The following GPATCH2 variants were observed in gnomAD, a reference collection of about 807,000 sequenced individuals.
The protein encoded by GPATCH2 is G patch domain-containing protein 2.
A neutral mutation model predicts 58.0 loss-of-function variants in GPATCH2; 51 were observed. The observed-to-expected ratio is 0.88, with a 90% CI of 0.70 to 1.11. The LOEUF is 1.11. Among genes scored for constraint, GPATCH2 ranks in the 50% most tolerant of loss-of-function variants. GPATCH2 has a pLI of 0.00. For synonymous variants in GPATCH2, 222 were observed against 218.5 expected (o/e 1.02, Z -0.14); for missense variants, 625 against 652.2 (o/e 0.96, Z 0.45).
In GPATCH2 at chr1:217,504,863, T is replaced by C. The variant is rs1662474681; in HGVS notation, c.1167-6468A>G. 2.0e-5 allele frequency among the ~76,000 whole-genome samples: 3 copies of C among 152,228 alleles called. No homozygotes were observed. The South Asian group carries it at 6.2e-4, about 32-fold the overall frequency. ...ATAATACATGGAAAATAAAAGTTGC[T>C]TAATAACTTTTTAGTGAAAAATGAG... On this transcript the variant is annotated intron_variant, in intron 6 of 9. Transcript: ENST00000366935.
In GPATCH2 at chr1:217,586,089, G is replaced by A. The variant is rs1368709733; in HGVS notation, c.1098+24232C>T. On this transcript the variant is annotated intron_variant, in intron 5 of 9. Coordinates refer to ENST00000366935, the MANE Select transcript of GPATCH2 (RefSeq NM_018040.5). Reference sequence around the variant, plus strand: ...CTCTGGGTTAGTGAGTGAGGGAGAGGTGAGTGAAAGTGAAGGCCTAGAACA... The same window carrying A: ...CTCTGGGTTAGTGAGTGAGGGAGAGATGAGTGAAAGTGAAGGCCTAGAACA... 2.0e-5 allele frequency among the ~76,000 whole-genome samples: 3 copies of A among 152,290 alleles called. No individual in the cohort carries two copies. The East Asian group carries it at 5.8e-4, about 29-fold the overall frequency.
intron 6 of GPATCH2, among the ~76,000 whole-genome samples, chr1:217,512,226 G>A (rs1662891356): frequency 6.6e-6 from 1 of 152,120 alleles, no homozygotes; most frequent in African/African-American, 2.4e-5. Context: ...TGGAGCTGAG[G>A]CCAGGGGATC....
intron 9 of GPATCH2, among the ~76,000 whole-genome samples, chr1:217,447,195 T>C (rs1184865496): frequency 6.6e-6 from 1 of 152,228 alleles, no homozygotes; most frequent in Non-Finnish European, 1.5e-5. Flanking sequence ...AGAGATATAT[T>C]AGAAATATTT....
In GPATCH2 at chr1:217,558,421, C is replaced by T. The variant is rs569583552; in HGVS notation, c.1099-43532G>A. On this transcript the variant is annotated intron_variant, in intron 5 of 9. Coordinates refer to ENST00000366935, the MANE Select transcript of GPATCH2 (RefSeq NM_018040.5). ...ACAATGGAATCAAACACGGAAGGTA[C>T]AAATTTCATGATCTTTTGTTGTAAT... Among the ~76,000 whole-genome samples, 3 of 152,262 alleles carry T rather than the reference C, an allele frequency of 2.0e-5. No individual in the cohort carries two copies. In the East Asian group the frequency reaches 5.8e-4, roughly 29 times the overall value.
rs1658501399 is a variant in GPATCH2, at chr1:217,430,873, AAAAT to A, written c.*268_*271del. On this transcript the variant is annotated 3_prime_UTR_variant, in exon 10 of 10. Transcript: ENST00000366935. ...TCGGAAAGTATTGACACATGAGACT[AAAAT>A]AAATAAGAGAAACGAGCTGCTCTTT... 2.1e-6 allele frequency: 1 copy of A among 476,728 alleles called. No individual in the cohort carries two copies. The highest frequency in any genetic ancestry group is 3.8e-6 in the Non-Finnish European group (1 of 266,070). The allele number at this position is 476,728 out of a possible 1,614,324, so 29.5% of individuals were successfully genotyped here. A position where few individuals can be genotyped will look rare whatever the true frequency, so the allele number is the denominator to read the frequency against.
chr1:217,569,192 C>G (rs1481475078), intron 5 of GPATCH2, among the ~76,000 whole-genome samples: 1 of 151,082 alleles, frequency 6.6e-6, no homozygotes, highest in Non-Finnish European at 1.5e-5. Context: ...TGGGAGTAGA[C>G]AGATATTTGG....
intron 5 of GPATCH2, among the ~76,000 whole-genome samples, chr1:217,597,897 C>T (rs1335083066): frequency 6.6e-6 from 1 of 152,152 alleles, no homozygotes; most frequent in African/African-American, 2.4e-5. Context: ...TCTAGCAAGC[C>T]CTGCATCTGC....
At chr1:217,609,406 G>A in intron 5 of GPATCH2, 1 of 983,452 alleles carries the variant, frequency 1.0e-6, no homozygotes, top group Non-Finnish European at 1.2e-6. Context: ...ATTTTGATGT[G>A]TTTCAGGTAT....
In GPATCH2 at chr1:217,467,006, C is replaced by T. The variant is rs112946896; in HGVS notation, c.1278-17669G>A. On this transcript the variant is annotated intron_variant, in intron 8 of 9. Transcript: ENST00000366935. ...TGGCCAACATGGTGAAATCCCGTCT[C>T]TACTAAAAATACAAAAATTAGCTAC... Among the ~76,000 whole-genome samples the T allele has an allele frequency of 7.5e-3, 1,149 of 152,298 alleles. 10 individuals are homozygous for T. Among genetic ancestry groups the T allele is most frequent in the African/African-American group, 0.025 (1,050 of 41,568 alleles).
intron 5 of GPATCH2, among the ~76,000 whole-genome samples, chr1:217,602,326 C>T (rs1668146461): frequency 6.6e-6 from 1 of 152,048 alleles, no homozygotes; most frequent in South Asian, 2.1e-4. Context: ...CTGAATACCC[C>T]ATGCTTTTTC....
At chr1:217,619,446 T>C (rs926383977) in intron 2 of GPATCH2, among the ~76,000 whole-genome samples, 2 of 152,200 alleles carry the variant, frequency 1.3e-5, no homozygotes, top group Non-Finnish European at 2.9e-5. Context: ...TAAAGGTCTA[T>C]AATTAAACAT....
rs777455691 is a variant in GPATCH2, at chr1:217,614,170, C to A, written c.806G>T (p.Gly269Val). 6.3e-7 allele frequency: 1 copy of A among 1,586,206 alleles called. No individual in the cohort carries two copies. The highest frequency in any genetic ancestry group is 1.1e-5 in the South Asian group (1 of 90,348). ...TCTTCCCTCATCATTGGTAAACAAT[C>A]CAGCATCAGTGCTGCTGAGACTGCT... Reference protein sequence around the residue: ...DSSSLSSTDAGLFTNDEGRQG... With the variant: ...DSSSLSSTDAVLFTNDEGRQG... Residue 269 changes from glycine (G) to valine (V), a missense_variant, in exon 3 of 10, where the codon GGA becomes GTA. Transcript: ENST00000366935.
At chr1:217,522,857 CT>C (rs1348311932) in intron 5 of GPATCH2, among the ~76,000 whole-genome samples, 2 of 151,684 alleles carry the variant, frequency 1.3e-5, no homozygotes, top group African/African-American at 4.9e-5. Flanking sequence ...CACACAACTT[CT>C]CAAAATTAAG....
chr1:217,534,692 G>T (rs928348658), intron 5 of GPATCH2, among the ~76,000 whole-genome samples: 2 of 152,102 alleles, frequency 1.3e-5, no homozygotes, highest in Non-Finnish European at 2.9e-5. Flanking sequence ...TTTAAAGCTG[G>T]ATCCTTTTGG....
At chr1:217,508,404 T>G (rs1459956127) in intron 6 of GPATCH2, among the ~76,000 whole-genome samples, 2 of 152,192 alleles carry the variant, frequency 1.3e-5, no homozygotes, top group African/African-American at 2.4e-5. Context: ...GAGTTACCCA[T>G]GTGCATTTAA....
intron 1 of GPATCH2, among the ~76,000 whole-genome samples, chr1:217,625,804 G>A (rs970479144): frequency 5.3e-5 from 8 of 152,082 alleles, no homozygotes; most frequent in African/African-American, 1.4e-4. Context: ...CCAACATGGC[G>A]AAACTCCATC....
chr1:217,542,677 A>G (rs1664809078), intron 5 of GPATCH2, among the ~76,000 whole-genome samples: 1 of 152,158 alleles, frequency 6.6e-6, no homozygotes, highest in African/African-American at 2.4e-5. Context: ...ATAAACATCT[A>G]TTTCCTTTTA....
chr1:217,449,964 A>C (rs1239320964), intron 8 of GPATCH2, among the ~76,000 whole-genome samples: 1 of 152,206 alleles, frequency 6.6e-6, no homozygotes, highest in Non-Finnish European at 1.5e-5. Flanking sequence ...CATGATATAT[A>C]AAAACCGAGA....
At chr1:217,456,222 C>A (rs538715725) in intron 8 of GPATCH2, among the ~76,000 whole-genome samples, 6 of 152,292 alleles carry the variant, frequency 3.9e-5, no homozygotes, top group South Asian at 2.1e-4. Flanking sequence ...GTAACACACA[C>A]CATGCCCACT....
Sources: gnomAD v4.1 joint callset for allele counts (sites outside exome capture counted in the v4.1 genomes callset) on GRCh38, gnomAD v4.1.1 for gene constraint, MANE v1.5 for transcripts, NCBI Gene and HGNC (gene_info 2026-07-23, HGNC 2026-07-21) for gene names.